Variants in HMGB1 observed in about 807,000 individuals in gnomAD.
HMGB1 encodes the protein high mobility group protein B1.
For missense variants in HMGB1, 79 were observed against 253.5 expected, an observed-to-expected ratio of 0.31 and a Z score of 4.67; for synonymous variants, 81 against 84.0, an observed-to-expected ratio of 0.96 and a Z score of 0.19.
chr13:30,592,345 T>C (rs1038517621), intron 1 of HMGB1, among the ~76,000 whole-genome samples: 1 of 152,170 alleles, frequency 6.6e-6, no homozygotes, highest in African/African-American at 2.4e-5. Flanking sequence ...AATGGGTAAT[T>C]ATTATATTCT....
intron 1 of HMGB1, among the ~76,000 whole-genome samples, chr13:30,572,368 A>G (rs1365190251): frequency 1.3e-5 from 2 of 152,230 alleles, no homozygotes; most frequent in African/African-American, 4.8e-5. Flanking sequence ...GCAATTCTAA[A>G]TGCAAAGTCT....
rs190839668 is a variant in HMGB1, at chr13:30,461,496, G to A, written c.509C>T (p.Ala170Val). 397 of 1,563,354 alleles carry A rather than the reference G, an allele frequency of 2.5e-4. No homozygotes were observed. The highest frequency in any genetic ancestry group is 3.0e-4 in the Non-Finnish European group (348 of 1,153,422). The change falls in exon 5 of 5, where the codon GCA (alanine) becomes GTA (valine). Residue 170 changes from alanine to valine, a missense_variant. Ala to Val is a moderately conservative substitution (Grantham distance 64, BLOSUM62 0). Coordinates refer to ENST00000341423, the MANE Select transcript of HMGB1 (RefSeq NM_002128.7). ...AAYRAKGKPD[A>V]AKKGVVKAEK... ...AGCCTTGACAACTCCCTTTTTTGCT[G>A]CATCAGGCTTTCCTTTAGCTCGATA...
chr13:30,590,326 A>C (rs1244074808), intron 1 of HMGB1, among the ~76,000 whole-genome samples: 2 of 152,052 alleles, frequency 1.3e-5, no homozygotes, highest in Non-Finnish European at 2.9e-5. Context: ...TTAAATTTTA[A>C]TCTATTATTT....
At chr13:30,506,816 T>C (rs899514580) in intron 1 of HMGB1, among the ~76,000 whole-genome samples, 2 of 152,142 alleles carry the variant, frequency 1.3e-5, no homozygotes, top group Admixed American at 6.5e-5. Context: ...TGTCCCCAGG[T>C]TGCACAGCTG....
chr13:30,493,597 C>T lies in HMGB1; in HGVS notation c.-14-29903G>A, dbSNP rs534931228. Among the ~76,000 whole-genome samples the T allele has an allele frequency of 9.2e-5, 14 of 152,134 alleles. No individual in the cohort carries two copies. The South Asian group carries it at 2.9e-3, about 32-fold the overall frequency. ...TCACTTGAGGCCAGGAGTTTGAGAC[C>T]AGCCTGGGCAAGATAGCAAGACCTC... is the stretch of plus-strand genomic sequence containing the variant. On this transcript the variant is annotated intron_variant, in intron 1 of 4. Coordinates refer to the HMGB1 transcript ENST00000405805.
intron 1 of HMGB1, among the ~76,000 whole-genome samples, chr13:30,481,050 T>G (rs1283194756): frequency 1.3e-5 from 2 of 152,056 alleles, no homozygotes; most frequent in East Asian, 3.9e-4. Flanking sequence ...TGTGTGTTTT[T>G]TTTTCTTTAA....
At chr13:30,603,391 C>G (rs1950422765) in intron 1 of HMGB1, among the ~76,000 whole-genome samples, 1 of 152,166 alleles carries the variant, frequency 6.6e-6, no homozygotes, top group South Asian at 2.1e-4. Flanking sequence ...CACTCCTTCT[C>G]CTTCTCTTTA....
chr13:30,582,365 G>A (rs1364849911), intron 1 of HMGB1, among the ~76,000 whole-genome samples: 2 of 152,180 alleles, frequency 1.3e-5, no homozygotes, highest in Admixed American at 1.3e-4. Context: ...CCAGCCGGGC[G>A]TGGTGGCTCA....
At chr13:30,475,612 ATTGT>A (rs1362241737) in intron 1 of HMGB1, among the ~76,000 whole-genome samples, 1 of 151,500 alleles carries the variant, frequency 6.6e-6, no homozygotes, top group African/African-American at 2.4e-5. Flanking sequence ...AGATAGGAGG[ATTGT>A]TTGAGCCCGG....
chr13:30,589,993 GGAGA>G (rs761804339), intron 1 of HMGB1, among the ~76,000 whole-genome samples: 2 of 152,070 alleles, frequency 1.3e-5, no homozygotes, highest in Non-Finnish European at 2.9e-5. Context: ...AGATAAGAAA[GGAGA>G]GAGAGAGGTG....
At chr13:30,493,884 G>T (rs951173415) in intron 1 of HMGB1, among the ~76,000 whole-genome samples, 2 of 151,986 alleles carry the variant, frequency 1.3e-5, no homozygotes, top group African/African-American at 4.8e-5. Flanking sequence ...AGGCTGAGGT[G>T]GGGGAGGGTT....
intron 1 of HMGB1, among the ~76,000 whole-genome samples, chr13:30,518,995 A>G (rs964716762): frequency 2.0e-5 from 3 of 151,634 alleles, no homozygotes; most frequent in Admixed American, 2.0e-4. Context: ...AGGGGTTGGG[A>G]TTATGGGTGT....
intron 1 of HMGB1, among the ~76,000 whole-genome samples, chr13:30,606,082 T>C (rs1347942603): frequency 1.3e-5 from 2 of 152,248 alleles, no homozygotes; most frequent in Non-Finnish European, 2.9e-5. Flanking sequence ...CAGCATTTGG[T>C]TGTCATGTGT....
At chr13:30,479,262 C>T (rs969453456) in intron 1 of HMGB1, among the ~76,000 whole-genome samples, 6 of 152,176 alleles carry the variant, frequency 3.9e-5, no homozygotes, top group East Asian at 1.9e-4. Flanking sequence ...CTCTTTAAGA[C>T]CTCAGTGACC....
At chr13:30,463,421 T>G in intron 2 of HMGB1, 69 bp from the exon 3 acceptor site, 1 of 1,539,402 alleles carries the variant, frequency 6.5e-7, no homozygotes, top group South Asian at 1.2e-5. Flanking sequence ...CCAATGTCTT[T>G]TGCTATGTAA....
At chr13:30,461,828 TAG>T (rs1886360766) in intron 4 of HMGB1, 2 of 529,096 alleles carry the variant, frequency 3.8e-6, no homozygotes, top group Non-Finnish European at 6.5e-6. Context: ...AACCAGAATG[TAG>T]AGACTTTGAT....
At chr13:30,538,955 G>A (rs758847319) in intron 1 of HMGB1, among the ~76,000 whole-genome samples, 2 of 151,926 alleles carry the variant, frequency 1.3e-5, no homozygotes, top group Non-Finnish European at 2.9e-5. Context: ...GGAGTGCAAC[G>A]GCACGATCTC....
Position 30,565,490 on chromosome 13 carries a change from T to C in HMGB1, c.-15+51181A>G, listed in dbSNP as rs528478666. ...AACCTCCCAGGGCCAAAAATATATGTGCCCAAACTGCCTAAATATTTCCTG... is the reference window on the plus strand; with the variant it reads ...AACCTCCCAGGGCCAAAAATATATGCGCCCAAACTGCCTAAATATTTCCTG... On this transcript the variant is annotated intron_variant, in intron 1 of 4. Coordinates refer to the HMGB1 transcript ENST00000405805. Among the ~76,000 whole-genome samples the C allele has an allele frequency of 6.6e-5, 10 of 152,366 alleles. No homozygotes were observed. In the East Asian group the frequency reaches 1.7e-3, roughly 26 times the overall value.
chr13:30,513,609 C>T (rs1888039016), intron 1 of HMGB1, among the ~76,000 whole-genome samples: 2 of 152,208 alleles, frequency 1.3e-5, no homozygotes. Context: ...GAGCCTCAGG[C>T]CTGTATGTCC....
Sources: allele counts gnomAD v4.1 joint callset (sites outside exome capture counted in the v4.1 genomes callset), GRCh38; gene constraint gnomAD v4.1.1; transcripts MANE v1.5; gene names NCBI Gene and HGNC (gene_info 2026-07-23, HGNC 2026-07-21).